The following SPIDR variants were observed in gnomAD, a reference collection of about 807,000 sequenced individuals.
SPIDR encodes the protein DNA repair-scaffolding protein.
Under a neutral mutation model 104.6 loss-of-function variants are expected in SPIDR, and 93 were observed. The ratio of observed to expected loss-of-function variants is 0.89; its 90% CI spans 0.75 to 1.06. The LOEUF is 1.06. SPIDR is among the 50% of genes least tolerant of loss of function. The pLI is 0.00. For missense variants in SPIDR, 1,154 were observed against 1,111.2 expected (o/e 1.04, Z -0.55); for synonymous variants, 431 against 416.9 (o/e 1.03, Z -0.41).
At chr8:47,554,168 G>A (rs985834145) in intron 8 of SPIDR, among the ~76,000 whole-genome samples, 3 of 152,180 alleles carry the variant, frequency 2.0e-5, no homozygotes, top group Non-Finnish European at 2.9e-5. Flanking sequence ...CCTACTGGGA[G>A]GTGTCTCCCA....
chr8:47,720,831 C>T (rs2083291558), intron 16 of SPIDR, among the ~76,000 whole-genome samples: 3 of 151,886 alleles, frequency 2.0e-5, no homozygotes, highest in African/African-American at 7.3e-5. Context: ...AGTCTTGGCT[C>T]ACTGCAACTT....
In SPIDR at chr8:47,582,491, TC is replaced by T. The variant is rs905565794; in HGVS notation, c.1098-13318del. 3.9e-5 allele frequency among the ~76,000 whole-genome samples: 6 copies of T among 152,282 alleles called. No individual in the cohort carries two copies. The South Asian group carries it at 8.3e-4, about 21-fold the overall frequency. ...AATGAAAAGATGTTTCACATGGTTT[TC>T]CTTCTTTGGTCTTTTAGTCTCAATT... On this transcript the variant is annotated intron_variant, in intron 8 of 19. Transcript: ENST00000297423.
chr8:47,535,923 A>G (rs547369642), intron 8 of SPIDR, among the ~76,000 whole-genome samples: 38 of 152,304 alleles, frequency 2.5e-4, no homozygotes, highest in African/African-American at 8.2e-4. Context: ...TAGAAATTCC[A>G]GAGAATCACC....
At chr8:47,488,625 C>T (rs1554734316) in intron 8 of SPIDR, among the ~76,000 whole-genome samples, 2 of 152,182 alleles carry the variant, frequency 1.3e-5, no homozygotes, top group African/African-American at 4.8e-5. Context: ...AAACCGAATG[C>T]AGCAGCCCAT....
chr8:47,396,472 T>A lies in SPIDR; in HGVS notation c.622T>A (p.Tyr208Asn), dbSNP rs781920757. The change falls in exon 6 of 20, where the codon TAC becomes AAC. Residue 208 changes from tyrosine to asparagine, a missense_variant. By Grantham distance (143) the Tyr-to-Asn change is moderately radical. Coordinates refer to ENST00000297423, the MANE Select transcript of SPIDR (RefSeq NM_001080394.4). The stretch of plus-strand genomic sequence containing the variant: ...CATTGATTCAGAATCCCCTCACAAA[T>A]ACCACGTGCAGTTTGCATCGGATGC... The part of the protein sequence containing the change: ...LLIDSESPHK[Y>N]HVQFASDARQ... 102 of 1,614,002 alleles carry A rather than the reference T, an allele frequency of 6.3e-5. No individual in the cohort carries two copies. Among genetic ancestry groups the A allele is most frequent in the Non-Finnish European group, 7.3e-5 (86 of 1,180,006 alleles).
chr8:47,286,980 T>C (rs2038965394), intron 3 of SPIDR, among the ~76,000 whole-genome samples: 1 of 152,148 alleles, frequency 6.6e-6, no homozygotes, highest in African/African-American at 2.4e-5. Flanking sequence ...GTAGGTTCTT[T>C]GTATTTTCCC....
At chr8:47,581,551 G>C (rs978491827) in intron 8 of SPIDR, among the ~76,000 whole-genome samples, 1 of 152,170 alleles carries the variant, frequency 6.6e-6, no homozygotes, top group South Asian at 2.1e-4. Context: ...CTCCAGCATA[G>C]TAGCCCTGCT....
intron 10 of SPIDR, among the ~76,000 whole-genome samples, chr8:47,645,056 C>G (rs1283695199): frequency 6.6e-6 from 1 of 152,148 alleles, no homozygotes; most frequent in Non-Finnish European, 1.5e-5. Flanking sequence ...GAAGTTTAGA[C>G]TTCATTCCAA....
At position 47,325,828 on chromosome 8, in the gene SPIDR, A is replaced by G. The variant is rs116106289; in HGVS notation, c.525+31798A>G. ...TTCTGTTTTCCCCAAATGCCTCTGC[A>G]ATGACTAGGTTGTTGAAATTTTCCT... On this transcript the variant is annotated intron_variant, in intron 5 of 19. Coordinates refer to ENST00000297423, the MANE Select transcript of SPIDR (RefSeq NM_001080394.4). 5.6e-3 allele frequency among the ~76,000 whole-genome samples: 852 copies of G among 152,266 alleles called. 6 individuals are homozygous for G. The highest frequency in any genetic ancestry group is 0.02 in the African/African-American group (815 of 41,550).
chr8:47,402,960 T>C (rs2062119769), intron 6 of SPIDR, among the ~76,000 whole-genome samples: 3 of 152,304 alleles, frequency 2.0e-5, no homozygotes, highest in Admixed American at 6.5e-5. Context: ...CTCAATAAAA[T>C]ACTGGCAAAC....
At chr8:47,442,422 TA>T (rs1391979219) in intron 8 of SPIDR, among the ~76,000 whole-genome samples, 3 of 152,346 alleles carry the variant, frequency 2.0e-5, no homozygotes, top group African/African-American at 7.2e-5. Flanking sequence ...CTTACTAGAT[TA>T]AAAACAGATT....
intron 8 of SPIDR, among the ~76,000 whole-genome samples, chr8:47,443,316 T>C (rs1165213328): frequency 2.6e-5 from 4 of 152,072 alleles, no homozygotes; most frequent in African/African-American, 9.7e-5. Flanking sequence ...ACGCCTATAA[T>C]CCCAGCAGTT....
chr8:47,713,749 C>T, intron 16 of SPIDR, 108 bp downstream of exon 16: 1 of 1,406,776 alleles, frequency 7.1e-7, no homozygotes, highest in Admixed American at 2.2e-5. Context: ...CCGCTAAGTT[C>T]CAGACACTGG....
At chr8:47,703,072 C>T (rs1018826428) in intron 14 of SPIDR, among the ~76,000 whole-genome samples, 1 of 152,144 alleles carries the variant, frequency 6.6e-6, no homozygotes. Context: ...CACTCACACC[C>T]CTCACTTTTC....
At chr8:47,327,482 C>T (rs2047881359) in intron 5 of SPIDR, among the ~76,000 whole-genome samples, 1 of 151,840 alleles carries the variant, frequency 6.6e-6, no homozygotes, top group South Asian at 2.1e-4. Flanking sequence ...GCACTACAGC[C>T]CCAACTTCCC....
At chr8:47,402,374 T>C (rs1207616582) in intron 6 of SPIDR, among the ~76,000 whole-genome samples, 2 of 151,814 alleles carry the variant, frequency 1.3e-5, no homozygotes, top group Admixed American at 6.6e-5. Flanking sequence ...CTGAAGGAGA[T>C]AGAGACAAAA....
At chr8:47,578,984 T>G (rs1168050748) in intron 8 of SPIDR, among the ~76,000 whole-genome samples, 1 of 152,230 alleles carries the variant, frequency 6.6e-6, no homozygotes, top group Non-Finnish European at 1.5e-5. Flanking sequence ...AGGCTTAAAC[T>G]TCTTATTTCT....
At chr8:47,568,078 T>C (rs554218721) in intron 8 of SPIDR, among the ~76,000 whole-genome samples, 2 of 152,292 alleles carry the variant, frequency 1.3e-5, no homozygotes, top group African/African-American at 4.8e-5. Flanking sequence ...TCCTGGCCTA[T>C]TTTCTTATTT....
At chr8:47,716,756 C>T (rs1434403842) in intron 16 of SPIDR, among the ~76,000 whole-genome samples, 2 of 151,936 alleles carry the variant, frequency 1.3e-5, no homozygotes, top group African/African-American at 4.8e-5. Flanking sequence ...TTGGGCAAGG[C>T]TGTAAGAGCA....
Sources: gnomAD v4.1 joint callset for allele counts (sites outside exome capture counted in the v4.1 genomes callset) on GRCh38, gnomAD v4.1.1 for gene constraint, MANE v1.5 for transcripts, NCBI Gene and HGNC (gene_info 2026-07-23, HGNC 2026-07-21) for gene names.